ZNF277: variants seen among roughly 807,000 people sequenced by gnomAD.
The protein encoded by ZNF277 is nuclear receptor-interacting factor 4.
ZNF277 carries 55 observed loss-of-function variants against 60.7 expected under a neutral mutation model. That is an observed-to-expected ratio of 0.91 (90% CI 0.73 to 1.13). The LOEUF (loss-of-function observed/expected upper bound fraction) is 1.13. Among genes scored for constraint, ZNF277 ranks in the 50% most tolerant of loss-of-function variants. The pLI is 0.00. For missense variants in ZNF277, 510 were observed against 523.0 expected, an observed-to-expected ratio of 0.98 and a Z score of 0.24; for synonymous variants, 178 against 179.3, an observed-to-expected ratio of 0.99 and a Z score of 0.06.
chr7:112,285,434 AT>A (rs397888986), intron 1 of ZNF277, among the ~76,000 whole-genome samples: 29,111 of 127,308 alleles, frequency 0.23, 4,022 homozygotes, highest in African/African-American at 0.45. Context: ...AAAATAGGAA[AT>A]TTTTTTTTTT....
At chr7:112,238,579 C>G (rs1344873215) in intron 1 of ZNF277, among the ~76,000 whole-genome samples, 3 of 151,940 alleles carry the variant, frequency 2.0e-5, no homozygotes, top group Non-Finnish European at 4.4e-5. Context: ...CCTGTGGTGG[C>G]CAGGGAGGTG....
chr7:112,312,884 T>A (rs144747784), intron 4 of ZNF277, among the ~76,000 whole-genome samples: 4 of 152,218 alleles, frequency 2.6e-5, no homozygotes, highest in Admixed American at 2.6e-4. Flanking sequence ...CCTTACTGAA[T>A]TGATTACAAT....
chr7:112,209,014 T>G (rs7794476), intron 1 of ZNF277, among the ~76,000 whole-genome samples: 1 of 152,038 alleles, frequency 6.6e-6, no homozygotes, highest in African/African-American at 2.4e-5. Flanking sequence ...GGGATAAATC[T>G]ATATAAACTG....
chr7:112,246,093 A>G (rs1014620399), intron 1 of ZNF277, among the ~76,000 whole-genome samples: 1 of 152,172 alleles, frequency 6.6e-6, no homozygotes, highest in Non-Finnish European at 1.5e-5. Context: ...ACATTGGTAT[A>G]AAAGGTAAGG....
chr7:112,267,687 CT>C (rs1791580791), intron 1 of ZNF277, among the ~76,000 whole-genome samples: 1 of 152,074 alleles, frequency 6.6e-6, no homozygotes, highest in Non-Finnish European at 1.5e-5. Context: ...TCCTTTTTCA[CT>C]GTTAGGGGAT....
chr7:112,312,836 C>CAT (rs1792762034), intron 4 of ZNF277, among the ~76,000 whole-genome samples: 1 of 151,982 alleles, frequency 6.6e-6, no homozygotes, highest in South Asian at 2.1e-4. Context: ...GCTATGTCAG[C>CAT]AAAGGCAATT....
chr7:112,323,642 T>C (rs1294230852), intron 5 of ZNF277, among the ~76,000 whole-genome samples: 1 of 152,240 alleles, frequency 6.6e-6, no homozygotes, highest in Non-Finnish European at 1.5e-5. Context: ...CTTACCACAG[T>C]TGAGCCATGT....
At chr7:112,295,674 T>G (rs1160540543) in intron 2 of ZNF277, among the ~76,000 whole-genome samples, 195 bp from the exon 3 acceptor site, 1 of 152,146 alleles carries the variant, frequency 6.6e-6, no homozygotes, top group Non-Finnish European at 1.5e-5. Flanking sequence ...TAATTCCTTT[T>G]TATTAAATCT....
intron 4 of ZNF277, among the ~76,000 whole-genome samples, chr7:112,296,922 T>TATTTATTTATTATTA (rs1219564990): frequency 1.4e-5 from 1 of 72,562 alleles, no homozygotes; most frequent in African/African-American, 4.8e-5. Flanking sequence ...ATTTTTTTTT[T>TATTTATTTATTATTA]TTTTTTTTTT....
At chr7:112,337,283 G>A (rs1029053796) in intron 8 of ZNF277, among the ~76,000 whole-genome samples, 1 of 152,234 alleles carries the variant, frequency 6.6e-6, no homozygotes, top group African/African-American at 2.4e-5. Flanking sequence ...CCTCGTGAAA[G>A]AGACACGGTT....
intron 1 of ZNF277, among the ~76,000 whole-genome samples, chr7:112,256,895 G>A (rs376246890): frequency 9.2e-5 from 14 of 151,984 alleles, no homozygotes; most frequent in Admixed American, 8.5e-4. Context: ...TTTCATACCC[G>A]TCCAAAATTC....
chr7:112,249,716 G>C (rs965551753), intron 1 of ZNF277, among the ~76,000 whole-genome samples: 2 of 152,120 alleles, frequency 1.3e-5, no homozygotes, highest in African/African-American at 4.8e-5. Context: ...TAATACTTTT[G>C]TAATTTCTTA....
chr7:112,223,369 G>A (rs1372400786), intron 1 of ZNF277, among the ~76,000 whole-genome samples: 1 of 152,164 alleles, frequency 6.6e-6, no homozygotes, highest in Non-Finnish European at 1.5e-5. Flanking sequence ...GAGAAGGCCT[G>A]GAGCCAAGTT....
intron 4 of ZNF277, among the ~76,000 whole-genome samples, chr7:112,305,834 C>G (rs981826703): frequency 1.3e-5 from 2 of 152,156 alleles, no homozygotes; most frequent in African/African-American, 4.8e-5. Flanking sequence ...GAATGCTGGT[C>G]CAGTGTCTCC....
intron 1 of ZNF277, among the ~76,000 whole-genome samples, chr7:112,261,395 A>G (rs73195224): frequency 0.047 from 7,136 of 152,228 alleles, 262 homozygotes; most frequent in South Asian, 0.13. Context: ...CATAAATGCA[A>G]TGGATGGCAT....
intron 8 of ZNF277, 147 bp from the exon 9 acceptor site, chr7:112,337,583 T>C (rs1202130350): frequency 3.7e-6 from 2 of 539,550 alleles, no homozygotes; most frequent in East Asian, 3.2e-5. Context: ...AGAGTCATAA[T>C]ATGATGTGAC....
At chr7:112,313,120 A>G (rs1792768383) in intron 4 of ZNF277, among the ~76,000 whole-genome samples, 1 of 152,094 alleles carries the variant, frequency 6.6e-6, no homozygotes, top group African/African-American at 2.4e-5. Flanking sequence ...AAATGAAACA[A>G]AAGTAATTGT....
chr7:112,303,319 T>C (rs1036767934), intron 4 of ZNF277, among the ~76,000 whole-genome samples: 2 of 152,140 alleles, frequency 1.3e-5, no homozygotes, highest in African/African-American at 2.4e-5. Flanking sequence ...CATAAATATG[T>C]ATGTAAATAA....
intron 2 of ZNF277, chr7:112,288,740 C>T: frequency 6.4e-6 from 1 of 157,100 alleles, no homozygotes. Context: ...CATGTTCATG[C>T]CTCCCAAAGC....
Sources: gnomAD v4.1 joint callset for allele counts (sites outside exome capture counted in the v4.1 genomes callset) on GRCh38, gnomAD v4.1.1 for gene constraint, MANE v1.5 for transcripts, NCBI Gene and HGNC (gene_info 2026-07-23, HGNC 2026-07-21) for gene names.